TRIM16: variants seen among roughly 807,000 people sequenced by gnomAD.
The protein encoded by TRIM16 is tripartite motif containing 16, also known as tripartite motif-containing protein 16.
In TRIM16, 33 loss-of-function variants were observed where a neutral mutation model predicts 50.4. The ratio of observed to expected loss-of-function variants is 0.65; its 90% CI spans 0.50 to 0.88. The LOEUF is 0.88. Among genes scored for constraint, TRIM16 ranks in the 40% least tolerant of loss-of-function variants. The probability of loss-of-function intolerance (pLI) is 0.00; values close to 1 mark genes in which losing one functional copy is unlikely to be tolerated. For synonymous variants in TRIM16, 229 were observed against 270.7 expected, an observed-to-expected ratio of 0.85 and a Z score of 1.51; for missense variants, 581 against 686.8, an observed-to-expected ratio of 0.85 and a Z score of 1.72.
At chr17:15,679,067 C>T (rs570362492) in intron 4 of TRIM16, among the ~76,000 whole-genome samples, 10 of 152,142 alleles carry the variant, frequency 6.6e-5, no homozygotes, top group African/African-American at 2.2e-4. Flanking sequence ...TTAGTAGAAA[C>T]GGGATCTCAC....
intron 6 of TRIM16, among the ~76,000 whole-genome samples, chr17:15,669,627 A>C (rs922294690): frequency 1.3e-5 from 2 of 152,130 alleles, no homozygotes; most frequent in African/African-American, 4.8e-5. Context: ...TGTAATGTAA[A>C]AAATGTTTAA....
At chr17:15,669,909 C>T (rs999552057) in intron 6 of TRIM16, among the ~76,000 whole-genome samples, 3 of 152,194 alleles carry the variant, frequency 2.0e-5, no homozygotes, top group African/African-American at 7.2e-5. Flanking sequence ...CCCCCTCCCC[C>T]AATTGTGACA....
intron 3 of TRIM16, 90 bp downstream of exon 3, chr17:15,682,764 A>C: frequency 8.1e-7 from 1 of 1,227,062 alleles, no homozygotes; most frequent in East Asian, 3.6e-5. Context: ...GTATAATGGA[A>C]AGAGTACGGA....
chr17:15,662,891 C>T (rs1988305088), intron 6 of TRIM16, among the ~76,000 whole-genome samples: 3 of 152,170 alleles, frequency 2.0e-5, no homozygotes, highest in Admixed American at 2.0e-4. Context: ...TGAGGACGTT[C>T]TGGCTAATTC....
At chr17:15,664,631 A>G (rs1032915511) in intron 6 of TRIM16, among the ~76,000 whole-genome samples, 1 of 152,226 alleles carries the variant, frequency 6.6e-6, no homozygotes, top group Non-Finnish European at 1.5e-5. Flanking sequence ...TCTCAGAGCT[A>G]GACAGACTAC....
chr17:15,644,037 C>T (rs1987236677), intron 7 of TRIM16, among the ~76,000 whole-genome samples: 2 of 152,082 alleles, frequency 1.3e-5, no homozygotes, highest in African/African-American at 4.8e-5. Flanking sequence ...TCTGACACTC[C>T]CTACTTGGAG....
At chr17:15,636,317 C>T in intron 8 of TRIM16, 48 bp from the exon 9 acceptor site, 1 of 1,586,558 alleles carries the variant, frequency 6.3e-7, no homozygotes, top group Non-Finnish European at 8.6e-7. Context: ...CTTAGTGAGG[C>T]ATCCAACTTG....
At chr17:15,682,650 T>C (rs1989227971) in intron 3 of TRIM16, among the ~76,000 whole-genome samples, 1 of 152,226 alleles carries the variant, frequency 6.6e-6, no homozygotes, top group Admixed American at 6.5e-5. Flanking sequence ...GGCTCTCCCA[T>C]GTGCTATAAT....
chr17:15,669,641 T>C (rs1167836224), intron 6 of TRIM16, among the ~76,000 whole-genome samples: 1 of 152,172 alleles, frequency 6.6e-6, no homozygotes, highest in Admixed American at 6.5e-5. Context: ...TGTTTAAGTG[T>C]ACTTTTTGAA....
chr17:15,656,745 G>A (rs1988001214), intron 6 of TRIM16, among the ~76,000 whole-genome samples: 1 of 152,052 alleles, frequency 6.6e-6, no homozygotes, highest in Non-Finnish European at 1.5e-5. Context: ...TTTTTTATTT[G>A]GTTGGTTTGG....
intron 9 of TRIM16, among the ~76,000 whole-genome samples, chr17:15,635,364 T>C (rs970179160): frequency 3.4e-5 from 5 of 148,992 alleles, no homozygotes; most frequent in African/African-American, 1.2e-4. Context: ...GTTCTTTAGA[T>C]CTCGTTCCAA....
chr17:15,637,962 T>C (rs1465001182), intron 8 of TRIM16, among the ~76,000 whole-genome samples: 1 of 141,820 alleles, frequency 7.1e-6, no homozygotes, highest in Admixed American at 6.9e-5. Context: ...AACCCTGTGC[T>C]CTCTGAAACA....
At chr17:15,663,265 T>G (rs1503130) in intron 6 of TRIM16, among the ~76,000 whole-genome samples, 28,343 of 152,116 alleles carry the variant, frequency 0.19, 3,104 homozygotes, top group East Asian at 0.33. Context: ...CACTCTCCTC[T>G]CCACTCAGGA....
In TRIM16 at chr17:15,642,634, C is replaced by T. The variant is rs1987167233; in HGVS notation, c.615+87G>A. On this transcript the variant is annotated intron_variant, in intron 8 of 11. Transcript: ENST00000649191. ...CCTACAATTCTCATTTGTGGAGAAACCCCAAGGAACCTACAGGAATGGAGG... is the reference window on the plus strand; with the variant it reads ...CCTACAATTCTCATTTGTGGAGAAATCCCAAGGAACCTACAGGAATGGAGG... 5.9e-6 allele frequency: 6 copies of T among 1,012,720 alleles called. 1 individual carries two copies. The South Asian group carries it at 6.0e-5, about 10-fold the overall frequency. The allele number at this position is 1,012,720 out of a possible 1,614,324, so 62.7% of individuals were successfully genotyped here.
At chr17:15,665,969 C>A (rs973374534) in intron 6 of TRIM16, among the ~76,000 whole-genome samples, 2 of 152,048 alleles carry the variant, frequency 1.3e-5, no homozygotes, top group Non-Finnish European at 2.9e-5. Context: ...AGATTGCCAC[C>A]AGCACCCAAC....
At chr17:15,678,856 G>A (rs1407982765) in intron 4 of TRIM16, among the ~76,000 whole-genome samples, 14 of 147,044 alleles carry the variant, frequency 9.5e-5, no homozygotes, top group Admixed American at 7.7e-4. Flanking sequence ...GAATATTTAC[G>A]ACTGGAGAAA....
intron 4 of TRIM16, among the ~76,000 whole-genome samples, chr17:15,680,055 T>G (rs1439131137): frequency 6.6e-6 from 1 of 152,154 alleles, no homozygotes; most frequent in Non-Finnish European, 1.5e-5. Flanking sequence ...GATTTCAATG[T>G]ACTGACTTTT....
intron 6 of TRIM16, among the ~76,000 whole-genome samples, chr17:15,669,845 A>C (rs1358454303): frequency 6.6e-6 from 1 of 152,154 alleles, no homozygotes; most frequent in Non-Finnish European, 1.5e-5. Context: ...TGTCCCGTGC[A>C]TTGTAGGATG....
chr17:15,666,139 G>A (rs1988489637), intron 6 of TRIM16, among the ~76,000 whole-genome samples: 1 of 152,032 alleles, frequency 6.6e-6, no homozygotes, highest in Non-Finnish European at 1.5e-5. Flanking sequence ...ATTGTCTCTC[G>A]CCTGGATTAT....
Sources: allele counts gnomAD v4.1 joint callset (sites outside exome capture counted in the v4.1 genomes callset), GRCh38; gene constraint gnomAD v4.1.1; transcripts MANE v1.5; gene names NCBI Gene and HGNC (gene_info 2026-07-23, HGNC 2026-07-21).